The following SKAP2 variants were observed in gnomAD, a reference collection of about 807,000 sequenced individuals.
The protein encoded by SKAP2 is src kinase associated phosphoprotein 2, also known as src kinase-associated phosphoprotein 2.
Under a neutral mutation model 54.9 loss-of-function variants are expected in SKAP2, and 28 were observed. That is an observed-to-expected ratio of 0.51 (90% CI 0.38 to 0.70). The LOEUF (loss-of-function observed/expected upper bound fraction) is 0.70. Ranked by LOEUF, SKAP2 falls within the 30% of genes least tolerant of loss-of-function variation. The pLI is 0.00. For missense variants in SKAP2, 356 were observed against 424.1 expected, an observed-to-expected ratio of 0.84 and a Z score of 1.41; for synonymous variants, 137 against 134.3, an observed-to-expected ratio of 1.02 and a Z score of -0.14.
chr7:26,738,398 T>G (rs1782351631), intron 6 of SKAP2, among the ~76,000 whole-genome samples: 1 of 152,198 alleles, frequency 6.6e-6, no homozygotes, highest in Admixed American at 6.5e-5. Context: ...GCTGTTCGTA[T>G]TTAATTTTAT....
chr7:26,753,874 G>A (rs1584369927), intron 4 of SKAP2, among the ~76,000 whole-genome samples: 1 of 152,116 alleles, frequency 6.6e-6, no homozygotes, highest in East Asian at 1.9e-4. Flanking sequence ...CAAGATAGCC[G>A]TAAGACATGA....
chr7:26,794,424 A>G (rs909873632), intron 4 of SKAP2, among the ~76,000 whole-genome samples: 1 of 152,238 alleles, frequency 6.6e-6, no homozygotes, highest in Admixed American at 6.5e-5. Context: ...TTCCTTGTCT[A>G]TAAGGAACAT....
chr7:26,846,987 T>C (rs1274857494), intron 3 of SKAP2, among the ~76,000 whole-genome samples: 1 of 152,144 alleles, frequency 6.6e-6, no homozygotes, highest in Non-Finnish European at 1.5e-5. Flanking sequence ...ACAGAGACTC[T>C]GTCTCAAAAA....
At chr7:26,659,538 A>G in the SKAP2 span, among the ~76,000 whole-genome samples, 4 of 152,200 alleles carry the variant, frequency 2.6e-5, no homozygotes, top group African/African-American at 9.7e-5. Flanking sequence ...AAATTTATTG[A>G]CAATTTTATT....
At chr7:26,842,470 A>C (rs1163814784) in intron 4 of SKAP2, among the ~76,000 whole-genome samples, 1 of 151,830 alleles carries the variant, frequency 6.6e-6, no homozygotes, top group Non-Finnish European at 1.5e-5. Context: ...GCTCTCATAG[A>C]TATTTAATTG....
At chr7:26,757,074 C>T (rs943691204) in intron 4 of SKAP2, among the ~76,000 whole-genome samples, 3 of 152,062 alleles carry the variant, frequency 2.0e-5, no homozygotes, top group Admixed American at 6.5e-5. Context: ...GGATATTAGC[C>T]CTTTGTCGGA....
At chr7:26,860,868 T>A (rs1253103739) in intron 1 of SKAP2, among the ~76,000 whole-genome samples, 1 of 218 alleles carries the variant, frequency 4.6e-3, no homozygotes, top group Admixed American at 0.05. Flanking sequence ...TGGGAAAAAA[T>A]TTTCTAATGT....
chr7:26,854,662 C>T, intron 2 of SKAP2, 123 bp downstream of exon 2: 2 of 982,388 alleles, frequency 2.0e-6, no homozygotes, highest in East Asian at 2.7e-5. Context: ...TTCAAAAATA[C>T]TTAACATCAG....
At chr7:26,834,676 C>T (rs1410749707) in intron 4 of SKAP2, among the ~76,000 whole-genome samples, 1 of 152,164 alleles carries the variant, frequency 6.6e-6, no homozygotes, top group African/African-American at 2.4e-5. Context: ...AGACCCATAA[C>T]AAGTTCTGAA....
At chr7:26,818,185 C>T (rs1784312114) in intron 4 of SKAP2, among the ~76,000 whole-genome samples, 1 of 152,184 alleles carries the variant, frequency 6.6e-6, no homozygotes, top group South Asian at 2.1e-4. Flanking sequence ...TGACTTCAAA[C>T]TATACTACAA....
At chr7:26,719,031 A>G (rs1282115585) in intron 9 of SKAP2, among the ~76,000 whole-genome samples, 2 of 152,068 alleles carry the variant, frequency 1.3e-5, no homozygotes, top group Non-Finnish European at 2.9e-5. Flanking sequence ...TAAAAACTAA[A>G]AAATTAGGCA....
intron 4 of SKAP2, among the ~76,000 whole-genome samples, chr7:26,764,297 A>T (rs1782996671): frequency 6.6e-6 from 1 of 152,184 alleles, no homozygotes; most frequent in African/African-American, 2.4e-5. Context: ...ATGCAATAAA[A>T]AATAGGAATA....
At chr7:26,801,923 A>G (rs555848870) in intron 4 of SKAP2, among the ~76,000 whole-genome samples, 1 of 152,170 alleles carries the variant, frequency 6.6e-6, no homozygotes, top group South Asian at 2.1e-4. Flanking sequence ...CAATGTCCAT[A>G]TTACCCAAAG....
chr7:26,862,047 C>T (rs1376890535), intron 1 of SKAP2, among the ~76,000 whole-genome samples: 1 of 151,908 alleles, frequency 6.6e-6, no homozygotes, highest in Non-Finnish European at 1.5e-5. Context: ...CCAATATCTC[C>T]TCAGTTTCAA....
intron 4 of SKAP2, among the ~76,000 whole-genome samples, chr7:26,749,627 A>C (rs1448567117): frequency 2.0e-5 from 3 of 151,856 alleles, no homozygotes; most frequent in African/African-American, 7.3e-5. Context: ...TCACACCTGT[A>C]GTCCTAGCTA....
chr7:26,708,799 TTC>T (rs1787229484), intron 9 of SKAP2, among the ~76,000 whole-genome samples: 1 of 152,184 alleles, frequency 6.6e-6, no homozygotes, highest in South Asian at 2.1e-4. Flanking sequence ...AATTAATAAA[TTC>T]TGAGTCATAT....
At chr7:26,840,829 G>C (rs1300836609) in intron 4 of SKAP2, among the ~76,000 whole-genome samples, 1 of 151,840 alleles carries the variant, frequency 6.6e-6, no homozygotes, top group African/African-American at 2.4e-5. Context: ...ATAAAATACA[G>C]ACTCTTATTC....
chr7:26,768,347 T>G (rs9648020), intron 4 of SKAP2, among the ~76,000 whole-genome samples: 64,370 of 150,706 alleles, frequency 0.43, 14,214 homozygotes, highest in Middle Eastern at 0.49. Context: ...TTGACTCTAT[T>G]TGTGTCTTTA....
intron 4 of SKAP2, among the ~76,000 whole-genome samples, chr7:26,765,698 T>C (rs776702785): frequency 1.2e-4 from 19 of 152,214 alleles, no homozygotes; most frequent in Non-Finnish European, 2.4e-4. Context: ...ACTAGGCAGT[T>C]TTCCCAACAC....
Sources: allele counts gnomAD v4.1 joint callset (sites outside exome capture counted in the v4.1 genomes callset), GRCh38; gene constraint gnomAD v4.1.1; transcripts MANE v1.5; gene names NCBI Gene and HGNC (gene_info 2026-07-23, HGNC 2026-07-21).